FLRT2: variants seen among roughly 807,000 people sequenced by gnomAD.
The protein encoded by FLRT2 is leucine-rich repeat transmembrane protein FLRT2.
In FLRT2, 15 loss-of-function variants were observed where a neutral mutation model predicts 40.0. That is an observed-to-expected ratio of 0.38 (90% CI 0.25 to 0.58). The LOEUF (loss-of-function observed/expected upper bound fraction) is 0.58. Ranked by LOEUF, FLRT2 falls within the 20% of genes least tolerant of loss-of-function variation. The pLI is 0.71. For missense variants in FLRT2, 726 were observed against 840.0 expected (o/e 0.86, Z 1.68); for synonymous variants, 380 against 336.8 (o/e 1.13, Z -1.41).
chr14:85,652,493 T>C lies in FLRT2; in HGVS notation c.*28996T>C, dbSNP rs1894456983. The C allele has an allele frequency of 6.6e-6, 1 of 151,876 alleles. No homozygotes were observed. Among genetic ancestry groups the C allele is most frequent in the Non-Finnish European group, 1.5e-5 (1 of 67,972 alleles). 9.4% of individuals were successfully genotyped at this position (151,876 alleles called of 1,614,324 possible). ...AAATTCTTTTTTGAGAATTTTTTTCTTATAACGTTCTTCATCTGATTAAAC... is the reference window on the plus strand; with the variant it reads ...AAATTCTTTTTTGAGAATTTTTTTCCTATAACGTTCTTCATCTGATTAAAC... On this transcript the variant is annotated 3_prime_UTR_variant, in exon 2 of 2. Transcript: ENST00000330753.
At chr14:85,532,390 A>G (rs1456940688) in intron 1 of FLRT2, among the ~76,000 whole-genome samples, 1 of 152,246 alleles carries the variant, frequency 6.6e-6, no homozygotes, top group Non-Finnish European at 1.5e-5. Context: ...TAAGATGAGA[A>G]AACCAAAAAC....
At chr14:85,570,575 T>A (rs1406392517) in intron 1 of FLRT2, among the ~76,000 whole-genome samples, 3 of 148,728 alleles carry the variant, frequency 2.0e-5, no homozygotes, top group African/African-American at 7.4e-5. Context: ...ATTTATTTAT[T>A]TATTTATTTA....
chr14:85,603,094 A>G (rs960053579), intron 1 of FLRT2, among the ~76,000 whole-genome samples: 5 of 152,102 alleles, frequency 3.3e-5, no homozygotes, highest in Non-Finnish European at 7.4e-5. Flanking sequence ...AATTTTGTTG[A>G]TACCTCTTTG....
intron 1 of FLRT2, among the ~76,000 whole-genome samples, chr14:85,540,148 G>A (rs542288381): frequency 1.3e-5 from 2 of 151,996 alleles, no homozygotes; most frequent in Admixed American, 6.6e-5. Context: ...AACTATCCAG[G>A]TTACCTTTTG....
At position 85,642,014 on chromosome 14, in the gene FLRT2, A is replaced by G. The variant is rs1206954930; in HGVS notation, c.*18517A>G. ...GAGGTAGGCTGAAGCATGTATAGAA[A>G]GAAAACAACAAATTCAGAGTTTTAA... On this transcript the variant is annotated 3_prime_UTR_variant, in exon 2 of 2. Coordinates refer to ENST00000330753, the MANE Select transcript of FLRT2 (RefSeq NM_013231.6). The G allele has an allele frequency of 6.6e-6, 1 of 152,148 alleles. No homozygotes were observed. The highest frequency in any genetic ancestry group is 1.5e-5 in the Non-Finnish European group (1 of 68,032). 9.4% of individuals were successfully genotyped at this position (152,148 alleles called of 1,614,324 possible). A position where few individuals can be genotyped will look rare whatever the true frequency, so the allele number is the denominator to read the frequency against.
At chr14:85,536,643 T>C (rs1249442303) in intron 1 of FLRT2, among the ~76,000 whole-genome samples, 2 of 152,126 alleles carry the variant, frequency 1.3e-5, no homozygotes, top group African/African-American at 2.4e-5. Flanking sequence ...CATGGTTTTT[T>C]TTTTTTTTCC....
At chr14:85,531,580 G>A (rs1658198022) in intron 1 of FLRT2, among the ~76,000 whole-genome samples, 1 of 152,116 alleles carries the variant, frequency 6.6e-6, no homozygotes, top group African/African-American at 2.4e-5. Flanking sequence ...GAAACTCCTA[G>A]AGCGTGTGGT....
Position 85,622,196 on chromosome 14 carries a change from C to A in FLRT2, c.682C>A (p.His228Asn), listed in dbSNP as rs529248853. 1.2e-6 allele frequency: 2 copies of A among 1,614,112 alleles called. No individual in the cohort carries two copies. The highest frequency in any genetic ancestry group is 1.3e-5 in the African/African-American group (1 of 75,012). Residue 228 changes from histidine to asparagine, a missense_variant, in exon 2 of 2, where the codon CAT becomes AAT. Transcript: ENST00000330753. ...GGGTATCGCCGAGGGCACCTTCAGC[C>A]ATCTCACCAAGCTCAAGGAATTTTC... ...NKGIAEGTFS[H>N]LTKLKEFSIV...
chr14:85,560,503 C>T (rs551043130), intron 1 of FLRT2, among the ~76,000 whole-genome samples: 6 of 151,970 alleles, frequency 3.9e-5, no homozygotes, highest in African/African-American at 1.2e-4. Flanking sequence ...TGAACTGGGA[C>T]TCGGGAGGCG....
At chr14:85,596,868 C>T (rs746949692) in intron 1 of FLRT2, among the ~76,000 whole-genome samples, 3 of 152,074 alleles carry the variant, frequency 2.0e-5, no homozygotes, top group Non-Finnish European at 2.9e-5. Flanking sequence ...ATGGCCTTAA[C>T]GATTTGATTC....
In FLRT2 at chr14:85,636,390, G is replaced by GAAAAAAAAAAAAAAAAAAA. The variant is rs35764416; in HGVS notation, c.*12911_*12912insAAAAAAAAAAAAAAAAAAA. On this transcript the variant is annotated 3_prime_UTR_variant, in exon 2 of 2. Transcript: ENST00000330753. ...AAAATCAAAGGTGAAGTCACCTGCAGAAAAAAAAAAAAAAAAAACAAAAAA... is the reference window on the plus strand; with the variant it reads ...AAAATCAAAGGTGAAGTCACCTGCAGAAAAAAAAAAAAAAAAAAAAAAAAAAAAAAAAAAAAACAAAAAA... 6.6e-5 allele frequency: 5 copies of GAAAAAAAAAAAAAAAAAAA among 75,316 alleles called. No individual in the cohort carries two copies. The highest frequency in any genetic ancestry group is 1.5e-4 in the African/African-American group (3 of 19,920). The allele number at this position is 75,316 out of a possible 1,614,324, so 4.7% of individuals were successfully genotyped here.
At chr14:85,580,259 T>C (rs1348718448) in intron 1 of FLRT2, among the ~76,000 whole-genome samples, 2 of 152,186 alleles carry the variant, frequency 1.3e-5, no homozygotes, top group Non-Finnish European at 2.9e-5. Flanking sequence ...GTAGCAAATT[T>C]AGGCCAGAAT....
intron 1 of FLRT2, among the ~76,000 whole-genome samples, chr14:85,550,878 C>T (rs1348561952): frequency 2.6e-5 from 4 of 152,048 alleles, no homozygotes; most frequent in African/African-American, 4.8e-5. Flanking sequence ...CCTTTATTAG[C>T]GACCCTTAAA....
At chr14:85,620,419 C>A (rs1893329257) in intron 1 of FLRT2, among the ~76,000 whole-genome samples, 1 of 152,028 alleles carries the variant, frequency 6.6e-6, no homozygotes, top group South Asian at 2.1e-4. Context: ...AATGAATAAT[C>A]TTTATCACCT....
intron 1 of FLRT2, among the ~76,000 whole-genome samples, chr14:85,565,493 ATAT>A (rs1890577645): frequency 6.6e-6 from 1 of 152,172 alleles, no homozygotes; most frequent in South Asian, 2.1e-4. Flanking sequence ...TAGTTTCCCA[ATAT>A]TATTAATAGT....
At chr14:85,608,170 G>A (rs902561537) in intron 1 of FLRT2, among the ~76,000 whole-genome samples, 18 of 152,000 alleles carry the variant, frequency 1.2e-4, no homozygotes, top group Admixed American at 1.0e-3. Flanking sequence ...AGTTTTGGGT[G>A]GGAACAGTTT....
At chr14:85,599,375 A>AT (rs1474943729) in intron 1 of FLRT2, among the ~76,000 whole-genome samples, 1 of 152,118 alleles carries the variant, frequency 6.6e-6, no homozygotes, top group Non-Finnish European at 1.5e-5. Flanking sequence ...GAACAATCTT[A>AT]TAAGTAGGGC....
chr14:85,552,687 T>C (rs1595008876), intron 1 of FLRT2: 1 of 152,244 alleles, frequency 6.6e-6, no homozygotes, highest in East Asian at 1.9e-4. Flanking sequence ...TGTTTCAGGA[T>C]GATAATGTTG....
At chr14:85,549,814 T>G (rs1424712437) in intron 1 of FLRT2, among the ~76,000 whole-genome samples, 1 of 78,352 alleles carries the variant, frequency 1.3e-5, no homozygotes. Context: ...ATAGCTATTT[T>G]TTTTTTTTTT....
Sources: allele counts gnomAD v4.1 joint callset (sites outside exome capture counted in the v4.1 genomes callset), GRCh38; gene constraint gnomAD v4.1.1; transcripts MANE v1.5; gene names NCBI Gene and HGNC (gene_info 2026-07-23, HGNC 2026-07-21).